TTBK2: variants seen among roughly 807,000 people sequenced by gnomAD.
The protein encoded by TTBK2 is tau tubulin kinase 2, also known as tau-tubulin kinase 2.
A neutral mutation model predicts 110.8 loss-of-function variants in TTBK2; 28 were observed. The observed-to-expected ratio is 0.25, with a 90% confidence interval of 0.19 to 0.35. TTBK2 has a LOEUF of 0.35. TTBK2 is among the 10% of genes least tolerant of loss of function. The pLI is 1.00. For synonymous variants in TTBK2, 532 were observed against 527.3 expected, an observed-to-expected ratio of 1.01 and a Z score of -0.12; for missense variants, 1,369 against 1,500.3, an observed-to-expected ratio of 0.91 and a Z score of 1.45.
intron 3 of TTBK2, among the ~76,000 whole-genome samples, chr15:42,849,725 G>A (rs996174414): frequency 6.6e-6 from 1 of 152,110 alleles, no homozygotes; most frequent in African/African-American, 2.4e-5. Context: ...TGTTCCATAA[G>A]TACCCCACGT....
intron 1 of TTBK2, among the ~76,000 whole-genome samples, chr15:42,905,448 G>C (rs2030332538): frequency 6.6e-6 from 1 of 151,942 alleles, no homozygotes; most frequent in Non-Finnish European, 1.5e-5. Flanking sequence ...TGGAGATACA[G>C]GTTTTGCCAT....
chr15:42,791,921 C>G (rs1471523371), intron 10 of TTBK2, among the ~76,000 whole-genome samples: 2 of 152,136 alleles, frequency 1.3e-5, no homozygotes, highest in Non-Finnish European at 2.9e-5. Context: ...GCAGGTGGAT[C>G]ACCTGAGGTC....
chr15:42,746,796 C>A (rs2061799781), intron 14 of TTBK2, among the ~76,000 whole-genome samples: 1 of 151,842 alleles, frequency 6.6e-6, no homozygotes, highest in African/African-American at 2.4e-5. Flanking sequence ...ACAGGAGGAA[C>A]TACAGATAAA....
At chr15:42,862,192 A>T (rs948196644) in intron 3 of TTBK2, among the ~76,000 whole-genome samples, 17 of 150,318 alleles carry the variant, frequency 1.1e-4, no homozygotes, top group Non-Finnish European at 1.3e-4. Flanking sequence ...GAAACTATTT[A>T]AAAAAAAAAT....
intron 13 of TTBK2, among the ~76,000 whole-genome samples, chr15:42,763,121 C>CATATATATACATATATACATACATAT (rs1404931829): frequency 1.2e-5 from 1 of 86,318 alleles, no homozygotes; most frequent in African/African-American, 6.2e-5. Context: ...TATATATACA[C>CATATATATACATATATACATACATAT]ATATATATAC....
chr15:42,895,723 G>C (rs1339394008), intron 1 of TTBK2, among the ~76,000 whole-genome samples: 3 of 151,846 alleles, frequency 2.0e-5, no homozygotes, highest in East Asian at 3.9e-4. Context: ...ATTTTTAGTA[G>C]AGACGGGGTT....
At chr15:42,883,041 C>A (rs987823991) in intron 1 of TTBK2, among the ~76,000 whole-genome samples, 1 of 152,072 alleles carries the variant, frequency 6.6e-6, no homozygotes, top group Non-Finnish European at 1.5e-5. Context: ...AAATTAAAAA[C>A]TGGCTGAAGG....
At position 42,843,351 on chromosome 15, in the gene TTBK2, G is replaced by A. The variant is rs145132207; in HGVS notation, c.218-2918C>T. Among the ~76,000 whole-genome samples, 367 of 152,306 alleles carry A rather than the reference G, an allele frequency of 2.4e-3. 1 individual carries two copies. Among genetic ancestry groups the A allele is most frequent in the African/African-American group, 7.7e-3 (322 of 41,574 alleles). On this transcript the variant is annotated intron_variant, in intron 3 of 14. Coordinates refer to ENST00000267890, the MANE Select transcript of TTBK2 (RefSeq NM_173500.4). ...AATGAAAGGCCAAAAACGGGATTAC[G>A]GTAGGGGCCTGAATTCTGTTAAGGT...
Position 42,794,684 on chromosome 15 carries a change from T to A in TTBK2, c.940A>T (p.Thr314Ser), listed in dbSNP as rs1183385219. Residue 314 changes from threonine to serine, a missense_variant, in exon 10 of 15, where the codon ACC (threonine) becomes TCC (serine). This residue lies in a region of TTBK2 where 1,097 missense variants were observed against 1,114.7 expected (regional missense o/e 0.98). Transcript: ENST00000267890. ...GTCAAGCGAGTGTGCAACTGAGGGG[T>A]GGTAGAAGTAGTGGTGGTTGTTAGG... is the stretch of plus-strand genomic sequence containing the variant. ...GSLTTTTTSTTPQLHTRLTPA... is the reference protein window; with the variant it reads ...GSLTTTTTSTSPQLHTRLTPA... 6.2e-7 allele frequency: 1 copy of A among 1,613,980 alleles called. No homozygotes were observed. Among genetic ancestry groups the A allele is most frequent in the Admixed American group, 1.7e-5 (1 of 60,002 alleles).
chr15:42,748,136 A>G (rs2061820297), intron 14 of TTBK2, among the ~76,000 whole-genome samples: 1 of 152,208 alleles, frequency 6.6e-6, no homozygotes, highest in Non-Finnish European at 1.5e-5. Context: ...AATATCTTCA[A>G]TATAATTTGC....
intron 1 of TTBK2, among the ~76,000 whole-genome samples, chr15:42,887,184 C>A (rs1409965495): frequency 6.6e-6 from 1 of 152,172 alleles, no homozygotes; most frequent in Admixed American, 6.5e-5. Flanking sequence ...GGAAAACATT[C>A]TTTAATGCAC....
At chr15:42,862,191 T>TA (rs995803759) in intron 3 of TTBK2, among the ~76,000 whole-genome samples, 5 of 149,730 alleles carry the variant, frequency 3.3e-5, no homozygotes, top group South Asian at 2.1e-4. Context: ...TGAAACTATT[T>TA]AAAAAAAAAA....
At chr15:42,799,165 C>A (rs777796092) in intron 9 of TTBK2, among the ~76,000 whole-genome samples, 4 of 151,996 alleles carry the variant, frequency 2.6e-5, no homozygotes, top group African/African-American at 7.2e-5. Context: ...GTCAGGAGAT[C>A]GAGACCATCC....
intron 13 of TTBK2, among the ~76,000 whole-genome samples, chr15:42,763,898 C>T (rs977883295): frequency 9.9e-5 from 15 of 152,136 alleles, no homozygotes; most frequent in African/African-American, 3.6e-4. Context: ...AGACAAGTCA[C>T]TCATTATTGA....
intron 9 of TTBK2, among the ~76,000 whole-genome samples, chr15:42,808,452 A>G (rs1447034177): frequency 6.6e-6 from 1 of 152,234 alleles, no homozygotes; most frequent in Non-Finnish European, 1.5e-5. Flanking sequence ...TGATGTAGCT[A>G]GGGAAGCAGT....
At chr15:42,779,965 C>A (rs566136299) in intron 11 of TTBK2, among the ~76,000 whole-genome samples, 92 of 151,494 alleles carry the variant, frequency 6.1e-4, no homozygotes, top group Non-Finnish European at 1.0e-3. Flanking sequence ...GGTGACAGAG[C>A]GAGACTCTGT....
chr15:42,797,984 A>G (rs1001290510), intron 9 of TTBK2, among the ~76,000 whole-genome samples: 2 of 152,002 alleles, frequency 1.3e-5, no homozygotes, highest in Non-Finnish European at 2.9e-5. Flanking sequence ...CCCGGGTTCA[A>G]GCGACTCTCC....
chr15:42,821,588 A>G (rs533987470), intron 6 of TTBK2, among the ~76,000 whole-genome samples: 4 of 151,874 alleles, frequency 2.6e-5, no homozygotes, highest in African/African-American at 7.2e-5. Context: ...CTGACAACCA[A>G]TGATTTCTGT....
At chr15:42,884,995 C>G (rs1379796260) in intron 1 of TTBK2, among the ~76,000 whole-genome samples, 1 of 152,016 alleles carries the variant, frequency 6.6e-6, no homozygotes, top group Non-Finnish European at 1.5e-5. Context: ...TTTGTGAGAT[C>G]TATCCCCCGC....
Sources: gnomAD v4.1 joint callset for allele counts (sites outside exome capture counted in the v4.1 genomes callset) on GRCh38, gnomAD v4.1.1 for gene constraint, gnomAD v4.1.1 regional missense constraint, MANE v1.5 for transcripts, NCBI Gene and HGNC (gene_info 2026-07-23, HGNC 2026-07-21) for gene names.